Variants in MAP9 observed in about 807,000 individuals in gnomAD.
MAP9 encodes the protein microtubule-associated protein 9.
In MAP9, 80 loss-of-function variants were observed where a neutral mutation model predicts 75.2. The observed-to-expected ratio is 1.06, with a 90% CI of 0.89 to 1.28. MAP9 has a LOEUF of 1.28. Ranked by LOEUF, MAP9 falls within the 50% of genes most tolerant of loss-of-function variation. The pLI is 0.00. For synonymous variants in MAP9, 235 were observed against 237.3 expected (o/e 0.99, Z 0.09); for missense variants, 753 against 719.9 (o/e 1.05, Z -0.53).
At chr4:155,372,206 G>C (rs1394095734) in intron 4 of MAP9, among the ~76,000 whole-genome samples, 1 of 152,112 alleles carries the variant, frequency 6.6e-6, no homozygotes, top group Non-Finnish European at 1.5e-5. Context: ...GAAAGGAGCA[G>C]TTCCCCAATA....
At chr4:155,351,687 A>C (rs1731518280) in intron 13 of MAP9, among the ~76,000 whole-genome samples, 1 of 151,940 alleles carries the variant, frequency 6.6e-6, no homozygotes, top group Non-Finnish European at 1.5e-5. Flanking sequence ...ATTTACAGAG[A>C]AAATAATAGA....
chr4:155,365,095 A>C (rs1248392865), intron 5 of MAP9, among the ~76,000 whole-genome samples: 1 of 152,090 alleles, frequency 6.6e-6, no homozygotes, highest in African/African-American at 2.4e-5. Context: ...TAAACACTAC[A>C]TTAAAAGGCA....
intron 13 of MAP9, 40 bp from the exon 14 acceptor site, chr4:155,347,945 A>T: frequency 8.2e-7 from 1 of 1,226,586 alleles, no homozygotes; most frequent in Non-Finnish European, 1.1e-6. Flanking sequence ...ATGTACATAT[A>T]TGATTATTAT....
Position 155,353,057 on chromosome 4 carries a change from C to A in MAP9, c.1543G>T (p.Ala515Ser). 3 of 1,534,506 alleles carry A rather than the reference C, an allele frequency of 2.0e-6. No homozygotes were observed. The highest frequency in any genetic ancestry group is 2.0e-5 in the Admixed American group (1 of 49,254). Residue 515 changes from alanine to serine, a missense_variant and splice_region_variant, in exon 12 of 14, where the codon GCT (alanine) becomes TCT (serine). Ala to Ser is a moderately conservative substitution (Grantham distance 99). Transcript: ENST00000311277. ...TTTTTCTCTTTCCATTTTTCAAAAG[C>A]CTGAAAAAGTTCAGAATAATTTTCT... ...NAARKGEALQ[A>S]FEKWKEKKME...
intron 6 of MAP9, 190 bp from the exon 7 acceptor site, chr4:155,360,605 G>A (rs747953831): frequency 1.8e-6 from 1 of 552,456 alleles, no homozygotes; most frequent in Non-Finnish European, 3.1e-6. Flanking sequence ...AAATAGTCTA[G>A]GCTTAACTAA....
Position 155,353,291 on chromosome 4 carries a change from T to G in MAP9, c.1430A>C (p.Lys477Thr). ...EEALASFEAW[K>T]AMKEKEAKKI... ...CTTTGCTTCCTTTTCTTTCATAGCC[T>G]TCCAGGCCTCAAATGATGCTAATGC... Residue 477 changes from lysine to threonine, a missense_variant, in exon 11 of 14, where the codon AAG becomes ACG. Lys to Thr is a moderately conservative substitution (Grantham distance 78, BLOSUM62 -1). Transcript: ENST00000311277. 3 of 1,604,744 alleles carry G rather than the reference T, an allele frequency of 1.9e-6. No homozygotes were observed. Among genetic ancestry groups the G allele is most frequent in the Non-Finnish European group, 2.5e-6 (3 of 1,177,328 alleles).
In MAP9 at chr4:155,344,346, A is replaced by G. The variant is rs953430828; in HGVS notation, c.*3437T>C. ...ATATCGAAATTGTGGAATGGTGAGC[A>G]GAATACAACTGGGACCCCTGATACT... On this transcript the variant is annotated 3_prime_UTR_variant, in exon 14 of 14. Coordinates refer to ENST00000311277, the MANE Select transcript of MAP9 (RefSeq NM_001039580.2). The G allele has an allele frequency of 5.3e-5, 8 of 152,006 alleles. No individual in the cohort carries two copies. The highest frequency in any genetic ancestry group is 1.9e-4 in the African/African-American group (8 of 41,438). The allele number at this position is 152,006 out of a possible 1,614,324, so 9.4% of individuals were successfully genotyped here.
At chr4:155,355,590 ACT>A (rs34426198) in intron 9 of MAP9, 124 bp downstream of exon 9, 389,972 of 692,364 alleles carry the variant, frequency 0.56, 113,094 homozygotes, top group East Asian at 0.81. Context: ...TTAAAAGGAA[ACT>A]CTTTCTCAAT....
chr4:155,348,035 A>C, intron 13 of MAP9, 130 bp from the exon 14 acceptor site: 1 of 627,128 alleles, frequency 1.6e-6, no homozygotes. Flanking sequence ...TTAACAGATC[A>C]TAAAGAAATA....
Position 155,375,856 on chromosome 4 carries a change from A to T in MAP9, c.-6T>A, listed in dbSNP as rs1560820727. 1 of 1,596,776 alleles carries T rather than the reference A, an allele frequency of 6.3e-7. No individual in the cohort carries two copies. Among genetic ancestry groups the T allele is most frequent in the Non-Finnish European group, 8.6e-7 (1 of 1,167,208 alleles). ...CTAAAAACTTCATCAGACATAGTGT[A>T]TTTTTTCTCGTTACCTTTATAAAAT... On this transcript the variant is annotated 5_prime_UTR_variant, in exon 2 of 14. Coordinates refer to ENST00000311277, the MANE Select transcript of MAP9 (RefSeq NM_001039580.2).
rs187054827 is a variant in MAP9 at position 155,373,388 on chromosome 4, G to C, written c.229C>G (p.His77Asp). The C allele has an allele frequency of 3.7e-6, 6 of 1,605,000 alleles. No individual in the cohort carries two copies. Among genetic ancestry groups the C allele is most frequent in the Non-Finnish European group, 5.1e-6 (6 of 1,176,074 alleles). ...NSVNKKMNDF[H>D]ISDDEEKNPS... ...TTCTTTTCTTCATCATCTGATATAT[G>C]AAAGTCATTCATTTTTTTATTAACT... Residue 77 changes from histidine to aspartate, a missense_variant, in exon 4 of 14, where the codon CAT becomes GAT. His to Asp is a moderately conservative substitution (Grantham distance 81, BLOSUM62 -1). Transcript: ENST00000311277.
chr4:155,366,659 C>T (rs1439547972), intron 5 of MAP9, among the ~76,000 whole-genome samples: 1 of 152,092 alleles, frequency 6.6e-6, no homozygotes, highest in African/African-American at 2.4e-5. Context: ...TCCTAGTCAT[C>T]AAAAGAATGA....
At chr4:155,359,681 G>T (rs184041107) in intron 7 of MAP9, among the ~76,000 whole-genome samples, 1 of 151,970 alleles carries the variant, frequency 6.6e-6, no homozygotes, top group East Asian at 1.9e-4. Flanking sequence ...GATCAAATAC[G>T]AATAATAATA....
chr4:155,355,541 T>C (rs1043447325), intron 9 of MAP9, among the ~76,000 whole-genome samples, 175 bp downstream of exon 9: 1 of 152,176 alleles, frequency 6.6e-6, no homozygotes, highest in African/African-American at 2.4e-5. Flanking sequence ...ATGCAAAGTG[T>C]GGAAGCAAAT....
chr4:155,374,938 AAT>A lies in MAP9; in HGVS notation c.157_158del (p.Ile53CysfsTer5), dbSNP rs1325201139. 6.3e-7 allele frequency: 1 copy of A among 1,576,066 alleles called. No homozygotes were observed. The highest frequency in any genetic ancestry group is 2.3e-5 in the East Asian group (1 of 44,280). On this transcript the variant is annotated frameshift_variant and splice_region_variant, in exon 3 of 14. Coordinates refer to ENST00000311277, the MANE Select transcript of MAP9 (RefSeq NM_001039580.2). LOFTEE classifies it high-confidence loss of function. ...TCACGTTTCCATACTGTCACATACC[AAT>A]CTCATCACTGTCAAAGTCATCTGAG... ...EYSDDFDSDE[I>X]VSLGDFSDTS...
In MAP9 at chr4:155,347,483, A is replaced by G. The variant is rs1258808960; in HGVS notation, c.*300T>C. On this transcript the variant is annotated 3_prime_UTR_variant, in exon 14 of 14. Coordinates refer to ENST00000311277, the MANE Select transcript of MAP9 (RefSeq NM_001039580.2). ...TTAAATATACTTAAATAACATACAG[A>G]GCTTAATGAAAAAGATCATGAATCA... 4.3e-6 allele frequency: 1 copy of G among 232,504 alleles called. No individual in the cohort carries two copies. Among genetic ancestry groups the G allele is most frequent in the African/African-American group, 2.2e-5 (1 of 44,526 alleles). The allele number at this position is 232,504 out of a possible 1,614,324, so 14.4% of individuals were successfully genotyped here. A position where few individuals can be genotyped will look rare whatever the true frequency, so the allele number is the denominator to read the frequency against.
chr4:155,369,141 T>C (rs1391564720), intron 4 of MAP9, among the ~76,000 whole-genome samples: 1 of 151,788 alleles, frequency 6.6e-6, no homozygotes, highest in Non-Finnish European at 1.5e-5. Context: ...GCTAACACGG[T>C]GAAACCCTGT....
intron 8 of MAP9, 104 bp from the exon 9 acceptor site, chr4:155,355,988 T>G: frequency 9.9e-7 from 1 of 1,013,606 alleles, no homozygotes. Context: ...TGGCCAGGCA[T>G]GATGGCTCAC....
At chr4:155,371,508 T>G (rs752023222) in intron 4 of MAP9, among the ~76,000 whole-genome samples, 2 of 147,186 alleles carry the variant, frequency 1.4e-5, no homozygotes, top group African/African-American at 2.6e-5. Flanking sequence ...AGAAGTACTG[T>G]CAAGTTCCCA....
Sources: gnomAD v4.1 joint callset for allele counts (sites outside exome capture counted in the v4.1 genomes callset) on GRCh38, gnomAD v4.1.1 for gene constraint, MANE v1.5 for transcripts, NCBI Gene and HGNC (gene_info 2026-07-23, HGNC 2026-07-21) for gene names.